ALG6: variants seen among roughly 807,000 people sequenced by gnomAD.
ALG6 encodes the protein ALG6 alpha-1,3-glucosyltransferase.
Under a neutral mutation model 66.6 loss-of-function variants are expected in ALG6, and 46 were observed. That is an observed-to-expected ratio of 0.69 (90% CI 0.55 to 0.88). The LOEUF is 0.88. ALG6 is among the 40% of genes least tolerant of loss of function. The pLI, the probability that ALG6 is intolerant of heterozygous loss-of-function variation, is 0.00. For missense variants in ALG6, 505 were observed against 586.8 expected (o/e 0.86, Z 1.44); for synonymous variants, 185 against 203.7 (o/e 0.91, Z 0.78).
chr1:63,414,510 A>G (rs1644532450), intron 10 of ALG6, among the ~76,000 whole-genome samples: 1 of 152,122 alleles, frequency 6.6e-6, no homozygotes, highest in Admixed American at 6.5e-5. Flanking sequence ...TCGGCCTCCC[A>G]AAGTGCTGGG....
intron 2 of ALG6, among the ~76,000 whole-genome samples, chr1:63,379,721 A>G (rs116184443): frequency 0.023 from 3,446 of 150,268 alleles, 121 homozygotes; most frequent in African/African-American, 0.08. Flanking sequence ...AAAGTAGGAT[A>G]CGTAATACTA....
At chr1:63,383,210 T>C (rs1366011243) in intron 2 of ALG6, among the ~76,000 whole-genome samples, 1 of 151,316 alleles carries the variant, frequency 6.6e-6, no homozygotes, top group African/African-American at 2.4e-5. Flanking sequence ...GTAGCCTCTG[T>C]CTCTGGGTTC....
In ALG6 at chr1:63,396,022, A is replaced by G. The variant is rs183939180; in HGVS notation, c.83-491A>G. On this transcript the variant is annotated intron_variant, in intron 2 of 14. Transcript: ENST00000263440. Reference sequence around the variant, plus strand: ...ATTATAAGTAATCTAAAGATGATTTAAAGTATACAAGAGAATGAGCAGAGG... The same window carrying G: ...ATTATAAGTAATCTAAAGATGATTTGAAGTATACAAGAGAATGAGCAGAGG... Among the ~76,000 whole-genome samples the G allele has an allele frequency of 5.3e-5, 8 of 152,330 alleles. No homozygotes were observed. In the East Asian group the frequency reaches 1.5e-3, roughly 29 times the overall value.
At chr1:63,402,482 T>A in intron 4 of ALG6, 139 bp downstream of exon 4, 1 of 581,754 alleles carries the variant, frequency 1.7e-6, no homozygotes, top group Non-Finnish European at 3.0e-6. Context: ...TTTTTTTTTT[T>A]TTGAGATGAA....
intron 2 of ALG6, among the ~76,000 whole-genome samples, chr1:63,372,600 CTG>C (rs766265346): frequency 6.6e-6 from 1 of 151,546 alleles, no homozygotes; most frequent in African/African-American, 2.4e-5. Flanking sequence ...ATATAAATAT[CTG>C]TATATATGTG....
chr1:63,388,385 A>C (rs916171427), intron 2 of ALG6, among the ~76,000 whole-genome samples: 2 of 152,200 alleles, frequency 1.3e-5, no homozygotes, highest in Non-Finnish European at 2.9e-5. Flanking sequence ...CAGGCTGGCA[A>C]ATAACATCTT....
At position 63,393,881 on chromosome 1, in the gene ALG6, A is replaced by G. The variant is rs565721144; in HGVS notation, c.83-2632A>G. On this transcript the variant is annotated intron_variant, in intron 2 of 14. Coordinates refer to ENST00000263440, the MANE Select transcript of ALG6 (RefSeq NM_013339.4). ...TGGCATTAAGAATCTACTAGGTGCT[A>G]TTACATTCTGAGAATAGAAAACTTA... Among the ~76,000 whole-genome samples, 4 of 152,330 alleles carry G rather than the reference A, an allele frequency of 2.6e-5. No homozygotes were observed. The South Asian group carries it at 6.2e-4, about 24-fold the overall frequency.
intron 5 of ALG6, 57 bp from the exon 6 acceptor site, chr1:63,406,260 T>C: frequency 6.9e-7 from 1 of 1,456,564 alleles, no homozygotes; most frequent in Non-Finnish European, 9.6e-7. Flanking sequence ...AGGCAGTTAA[T>C]GGGTAGCTGT....
At chr1:63,403,515 T>C (rs1194533682) in intron 4 of ALG6, among the ~76,000 whole-genome samples, 1 of 152,214 alleles carries the variant, frequency 6.6e-6, no homozygotes, top group Non-Finnish European at 1.5e-5. Context: ...TCAGCAAAAA[T>C]TTGAGGAACC....
intron 14 of ALG6, among the ~76,000 whole-genome samples, chr1:63,435,498 A>G (rs915904746): frequency 6.6e-6 from 1 of 152,118 alleles, no homozygotes. Context: ...CAATACTGTC[A>G]TAATGTAGCC....
intron 9 of ALG6, chr1:63,413,859 A>G: frequency 2.0e-6 from 1 of 491,114 alleles, no homozygotes; most frequent in Non-Finnish European, 3.7e-6. Flanking sequence ...CTTTTGATCA[A>G]CTGCCCTGCA....
intron 2 of ALG6, among the ~76,000 whole-genome samples, chr1:63,375,670 A>G (rs1333361586): frequency 6.6e-6 from 1 of 152,092 alleles, no homozygotes; most frequent in Non-Finnish European, 1.5e-5. Context: ...CTGGAATAGT[A>G]TGTAAGCTTG....
At chr1:63,390,083 A>G (rs748722337) in intron 2 of ALG6, among the ~76,000 whole-genome samples, 1 of 152,196 alleles carries the variant, frequency 6.6e-6, no homozygotes, top group Non-Finnish European at 1.5e-5. Context: ...TCACTGCCTG[A>G]TTCCTGCCGA....
chr1:63,400,101 G>A (rs1387311144), intron 3 of ALG6, among the ~76,000 whole-genome samples: 1 of 147,848 alleles, frequency 6.8e-6, no homozygotes, highest in Non-Finnish European at 1.5e-5. Flanking sequence ...GGCTGAGGCA[G>A]GAGAATCGCT....
chr1:63,384,303 T>G (rs1648432356), intron 2 of ALG6, among the ~76,000 whole-genome samples: 1 of 152,220 alleles, frequency 6.6e-6, no homozygotes, highest in South Asian at 2.1e-4. Context: ...TTGAAAAATG[T>G]GTATTCAGAT....
intron 2 of ALG6, among the ~76,000 whole-genome samples, chr1:63,392,138 A>G (rs1332667957): frequency 1.3e-5 from 2 of 151,832 alleles, no homozygotes; most frequent in Non-Finnish European, 2.9e-5. Context: ...GTTTCTTTCT[A>G]CTTACCCATT....
chr1:63,422,166 A>AATATATAT (rs1644579222), intron 12 of ALG6, among the ~76,000 whole-genome samples: 1 of 102,018 alleles, frequency 9.8e-6, no homozygotes, highest in Non-Finnish European at 2.0e-5. Flanking sequence ...TATATATATA[A>AATATATAT]CTATGAATTT....
chr1:63,419,856 C>T (rs1451071259), intron 12 of ALG6, among the ~76,000 whole-genome samples: 1 of 151,756 alleles, frequency 6.6e-6, no homozygotes, highest in Non-Finnish European at 1.5e-5. Context: ...TCTTTTTTTG[C>T]CACAAGCTTA....
chr1:63,376,466 T>C (rs1208220950), intron 2 of ALG6, among the ~76,000 whole-genome samples: 2 of 152,208 alleles, frequency 1.3e-5, no homozygotes, highest in African/African-American at 4.8e-5. Flanking sequence ...AATTGGATGC[T>C]TTAGCTCTTA....
Sources: allele counts gnomAD v4.1 joint callset (sites outside exome capture counted in the v4.1 genomes callset), GRCh38; gene constraint gnomAD v4.1.1; transcripts MANE v1.5; gene names NCBI Gene and HGNC (gene_info 2026-07-23, HGNC 2026-07-21).